The following RABL3 variants were observed in gnomAD, a reference collection of about 807,000 sequenced individuals.
RABL3 encodes rab-like protein 3.
Under a neutral mutation model 31.8 loss-of-function variants are expected in RABL3, and 31 were observed. The observed-to-expected ratio is 0.97, with a 90% CI of 0.73 to 1.31. The LOEUF (loss-of-function observed/expected upper bound fraction) is 1.31, where lower values mean the gene tolerates loss of function less well. RABL3 is among the 40% of genes most tolerant of loss of function. The pLI is 0.00. For synonymous variants in RABL3, 97 were observed against 99.9 expected, an observed-to-expected ratio of 0.97 and a Z score of 0.18; for missense variants, 263 against 279.6, an observed-to-expected ratio of 0.94 and a Z score of 0.42.
chr3:120,718,348 A>G lies in RABL3; in HGVS notation c.139-8439T>C, dbSNP rs1708694620. ...TCTAGTGCATTACTCCTCTACCCTTATATTAAAAATCTGCCTTCTTTAGAT... is the reference window on the plus strand; with the variant it reads ...TCTAGTGCATTACTCCTCTACCCTTGTATTAAAAATCTGCCTTCTTTAGAT... On this transcript the variant is annotated intron_variant, in intron 2 of 7. Transcript: ENST00000273375. 2.6e-5 allele frequency among the ~76,000 whole-genome samples: 4 copies of G among 152,166 alleles called. No individual in the cohort carries two copies. In the South Asian group the frequency reaches 8.3e-4, roughly 32 times the overall value.
At chr3:120,725,176 G>T (rs1483619985) in intron 2 of RABL3, among the ~76,000 whole-genome samples, 1 of 152,122 alleles carries the variant, frequency 6.6e-6, no homozygotes, top group Non-Finnish European at 1.5e-5. Flanking sequence ...CATTTATGCA[G>T]CCAAAAGACA....
At chr3:120,695,120 C>T (rs1708424033) in intron 5 of RABL3, among the ~76,000 whole-genome samples, 1 of 151,962 alleles carries the variant, frequency 6.6e-6, no homozygotes, top group Non-Finnish European at 1.5e-5. Context: ...ACCCTCTGTG[C>T]CCCTAGAAAT....
intron 4 of RABL3, among the ~76,000 whole-genome samples, chr3:120,703,990 A>T (rs548210752): frequency 3.3e-5 from 5 of 152,338 alleles, no homozygotes; most frequent in Non-Finnish European, 7.3e-5. Flanking sequence ...AAGAAGAAAT[A>T]ACACCAAATA....
intron 2 of RABL3, among the ~76,000 whole-genome samples, chr3:120,719,490 C>T (rs1708710611): frequency 6.6e-6 from 1 of 152,214 alleles, no homozygotes. Flanking sequence ...AAAATTGGGT[C>T]ACTCTCACCC....
intron 1 of RABL3, among the ~76,000 whole-genome samples, chr3:120,742,013 C>A (rs1322827406): frequency 1.3e-5 from 2 of 152,148 alleles, no homozygotes; most frequent in Non-Finnish European, 2.9e-5. Context: ...TTAATACATG[C>A]GAAGCGCTTG....
Position 120,687,780 on chromosome 3 carries a change from T to A in RABL3, c.*2043A>T, listed in dbSNP as rs1227103002. 1 of 150,632 alleles carries A rather than the reference T, an allele frequency of 6.6e-6. No homozygotes were observed. Among genetic ancestry groups the A allele is most frequent in the African/African-American group, 2.4e-5 (1 of 41,288 alleles). 9.3% of individuals were successfully genotyped at this position (150,632 alleles called of 1,614,324 possible). A position where few individuals can be genotyped will look rare whatever the true frequency, so the allele number is the denominator to read the frequency against. On this transcript the variant is annotated 3_prime_UTR_variant, in exon 8 of 8. Coordinates refer to ENST00000273375, the MANE Select transcript of RABL3 (RefSeq NM_173825.5). ...GCAATAGTTTACTTTTATTATTTAT[T>A]TATATATTTATATATTTATTTATTT...
chr3:120,687,796 T>A lies in RABL3; in HGVS notation c.*2027A>T, dbSNP rs1257784849. 2 of 151,006 alleles carry A rather than the reference T, an allele frequency of 1.3e-5. No individual in the cohort carries two copies. The highest frequency in any genetic ancestry group is 2.4e-5 in the African/African-American group (1 of 41,306). The allele number at this position is 151,006 out of a possible 1,614,324, so 9.4% of individuals were successfully genotyped here. ...ATTATTTATTTATATATTTATATAT[T>A]TATTTATTTATTTTCTTTTAGTTGG... On this transcript the variant is annotated 3_prime_UTR_variant, in exon 8 of 8. Transcript: ENST00000273375.
At chr3:120,726,120 C>G (rs1306965055) in intron 2 of RABL3, among the ~76,000 whole-genome samples, 1 of 152,084 alleles carries the variant, frequency 6.6e-6, no homozygotes, top group East Asian at 1.9e-4. Context: ...CTGGCCTACT[C>G]AACACCTCTG....
intron 4 of RABL3, among the ~76,000 whole-genome samples, chr3:120,701,883 C>T (rs1317387405): frequency 3.9e-5 from 6 of 152,086 alleles, no homozygotes; most frequent in Non-Finnish European, 4.4e-5. Context: ...AAAACCTGGA[C>T]AGGATACATG....
Position 120,739,398 on chromosome 3 carries a change from A to C in RABL3, c.46+3064T>G, listed in dbSNP as rs183875176. ...TCTCGGTGGTGGCGGGCAGTGGGGGAGTGACAGCTTGCTTTAGTCTGCATT... is the reference window on the plus strand; with the variant it reads ...TCTCGGTGGTGGCGGGCAGTGGGGGCGTGACAGCTTGCTTTAGTCTGCATT... On this transcript the variant is annotated intron_variant, in intron 1 of 7. Transcript: ENST00000273375. Among the ~76,000 whole-genome samples, 1,139 of 150,624 alleles carry C rather than the reference A, an allele frequency of 7.6e-3. 13 individuals are homozygous for C. Among genetic ancestry groups the C allele is most frequent in the African/African-American group, 0.026 (1,081 of 40,916 alleles).
At chr3:120,726,353 G>C (rs1269023272) in intron 2 of RABL3, among the ~76,000 whole-genome samples, 2 of 152,162 alleles carry the variant, frequency 1.3e-5, no homozygotes, top group African/African-American at 4.8e-5. Flanking sequence ...GGCCCGGCAT[G>C]GTGGCTTATG....
At chr3:120,715,068 C>G (rs1298452346) in intron 2 of RABL3, among the ~76,000 whole-genome samples, 1 of 152,146 alleles carries the variant, frequency 6.6e-6, no homozygotes, top group African/African-American at 2.4e-5. Context: ...ACTATTGTTT[C>G]CTTCTTTTTC....
intron 5 of RABL3, among the ~76,000 whole-genome samples, chr3:120,697,387 G>A (rs1256519684): frequency 1.3e-5 from 2 of 152,198 alleles, no homozygotes; most frequent in Non-Finnish European, 2.9e-5. Flanking sequence ...TGATGCATGT[G>A]AGATAATGTA....
chr3:120,695,546 C>T (rs1211868422), intron 5 of RABL3, among the ~76,000 whole-genome samples: 1 of 152,160 alleles, frequency 6.6e-6, no homozygotes, highest in African/African-American at 2.4e-5. Flanking sequence ...TAGTCCTCCT[C>T]TCTTCAATCT....
intron 2 of RABL3, among the ~76,000 whole-genome samples, chr3:120,719,494 C>T (rs1398673498): frequency 6.6e-6 from 1 of 152,232 alleles, no homozygotes; most frequent in Non-Finnish European, 1.5e-5. Flanking sequence ...TTGGGTCACT[C>T]TCACCCTAAT....
At chr3:120,732,671 G>C (rs1175977929) in intron 1 of RABL3, among the ~76,000 whole-genome samples, 1 of 151,700 alleles carries the variant, frequency 6.6e-6, no homozygotes, top group East Asian at 1.9e-4. Context: ...CCATTAACTC[G>C]TCATTTACAC....
chr3:120,711,816 T>C (rs1477239552), intron 2 of RABL3, among the ~76,000 whole-genome samples: 1 of 152,168 alleles, frequency 6.6e-6, no homozygotes, highest in Non-Finnish European at 1.5e-5. Context: ...GGCATGTGTA[T>C]TTTGAACAAT....
chr3:120,711,856 G>A (rs993645004), intron 2 of RABL3, among the ~76,000 whole-genome samples: 3 of 151,986 alleles, frequency 2.0e-5, no homozygotes, highest in Non-Finnish European at 2.9e-5. Context: ...TAATCCCCTC[G>A]TTAAGAACTG....
intron 1 of RABL3, 74 bp downstream of exon 1, chr3:120,742,388 G>T: frequency 1.4e-6 from 2 of 1,412,566 alleles, no homozygotes; most frequent in Non-Finnish European, 1.0e-6. Flanking sequence ...GAAGTTGAGG[G>T]AAGGAAGCTA....
Sources: allele counts gnomAD v4.1 joint callset (sites outside exome capture counted in the v4.1 genomes callset), GRCh38; gene constraint gnomAD v4.1.1; transcripts MANE v1.5; gene names NCBI Gene and HGNC (gene_info 2026-07-23, HGNC 2026-07-21).